Variants in MMP16 observed in about 807,000 individuals in gnomAD.
MMP16 encodes matrix metallopeptidase 16.
Under a neutral mutation model 67.8 loss-of-function variants are expected in MMP16, and 12 were observed. The observed-to-expected ratio is 0.18, with a 90% CI of 0.11 to 0.29. The LOEUF is 0.29. Ranked by LOEUF, MMP16 falls within the 10% of genes least tolerant of loss-of-function variation. The pLI is 1.00. For missense variants in MMP16, 475 were observed against 765.7 expected, an observed-to-expected ratio of 0.62 and a Z score of 4.48; for synonymous variants, 249 against 255.9, an observed-to-expected ratio of 0.97 and a Z score of 0.26.
At chr8:88,243,178 C>T (rs1007650682) in intron 1 of MMP16, among the ~76,000 whole-genome samples, 1 of 152,134 alleles carries the variant, frequency 6.6e-6, no homozygotes, top group Non-Finnish European at 1.5e-5. Flanking sequence ...ATGAAAGTTA[C>T]TGTTGTCAAG....
At chr8:88,064,549 C>A (rs181829684) in intron 7 of MMP16, among the ~76,000 whole-genome samples, 4 of 152,058 alleles carry the variant, frequency 2.6e-5, no homozygotes, top group African/African-American at 9.6e-5. Flanking sequence ...ACTTAATGCT[C>A]GCTTGGAATT....
At chr8:88,115,153 T>C (rs1278941057) in intron 6 of MMP16, among the ~76,000 whole-genome samples, 1 of 152,062 alleles carries the variant, frequency 6.6e-6, no homozygotes. Flanking sequence ...TATTATGGTA[T>C]CAAGGTATAA....
chr8:88,267,038 T>C (rs574613227), intron 1 of MMP16, among the ~76,000 whole-genome samples: 63 of 152,320 alleles, frequency 4.1e-4, no homozygotes, highest in African/African-American at 1.4e-3. Context: ...CTAATTTCTA[T>C]GGCACTTGTG....
chr8:88,293,096 C>G (rs2130022619), intron 1 of MMP16, among the ~76,000 whole-genome samples: 1 of 152,206 alleles, frequency 6.6e-6, no homozygotes, highest in Non-Finnish European at 1.5e-5. Context: ...AAATGACACA[C>G]CACAATTATT....
At chr8:88,225,742 C>T (rs1809759070) in intron 1 of MMP16, among the ~76,000 whole-genome samples, 1 of 151,750 alleles carries the variant, frequency 6.6e-6, no homozygotes, top group Non-Finnish European at 1.5e-5. Context: ...AAATTGCCTT[C>T]TAGAAAAGGT....
intron 3 of MMP16, among the ~76,000 whole-genome samples, chr8:88,179,518 G>A (rs1023754914): frequency 1.3e-5 from 2 of 150,812 alleles, no homozygotes; most frequent in African/African-American, 4.9e-5. Flanking sequence ...CTTTAAAAAA[G>A]AAAGATCATT....
chr8:88,106,880 C>A (rs1017791137), intron 6 of MMP16, among the ~76,000 whole-genome samples: 1 of 151,008 alleles, frequency 6.6e-6, no homozygotes, highest in African/African-American at 2.4e-5. Flanking sequence ...TAAATATTTT[C>A]AGCCATGTAG....
intron 3 of MMP16, among the ~76,000 whole-genome samples, chr8:88,174,347 T>C (rs1305270907): frequency 6.6e-6 from 1 of 152,220 alleles, no homozygotes; most frequent in African/African-American, 2.4e-5. Flanking sequence ...GTCCATTTTA[T>C]TAATATTCAA....
intron 1 of MMP16, 30 bp from the exon 2 acceptor site, chr8:88,197,336 T>C (rs368793137): frequency 2.0e-5 from 30 of 1,514,020 alleles, no homozygotes; most frequent in Admixed American, 2.5e-5. Flanking sequence ...TTCTTTTAGA[T>C]CAATTTTACA....
At chr8:88,171,828 G>A (rs1808808160) in intron 3 of MMP16, among the ~76,000 whole-genome samples, 1 of 149,542 alleles carries the variant, frequency 6.7e-6, no homozygotes, top group African/African-American at 2.5e-5. Context: ...ATGATATGAT[G>A]CATTTTTTTT....
At chr8:88,178,883 A>G (rs999221830) in intron 3 of MMP16, among the ~76,000 whole-genome samples, 14 of 152,050 alleles carry the variant, frequency 9.2e-5, no homozygotes, top group African/African-American at 3.4e-4. Flanking sequence ...AATATATTGT[A>G]TCTAATCTCT....
intron 6 of MMP16, among the ~76,000 whole-genome samples, chr8:88,095,868 A>G (rs1201447991): frequency 6.6e-6 from 1 of 151,970 alleles, no homozygotes; most frequent in African/African-American, 2.4e-5. Context: ...GCTAGGCGCT[A>G]TGCTAGGCAT....
chr8:88,076,354 T>C (rs1808651677), intron 6 of MMP16, among the ~76,000 whole-genome samples: 1 of 152,196 alleles, frequency 6.6e-6, no homozygotes, highest in African/African-American at 2.4e-5. Flanking sequence ...GTTAAAATTA[T>C]ATTGAAACGA....
chr8:88,253,365 G>C (rs989002483), intron 1 of MMP16, among the ~76,000 whole-genome samples: 3 of 152,038 alleles, frequency 2.0e-5, no homozygotes, highest in African/African-American at 7.2e-5. Context: ...AGGAAAAAGA[G>C]TAATCTTACA....
At chr8:88,111,317 C>A (rs896242413) in intron 6 of MMP16, among the ~76,000 whole-genome samples, 10 of 151,578 alleles carry the variant, frequency 6.6e-5, no homozygotes, top group African/African-American at 2.4e-4. Context: ...ATATCTAGAC[C>A]AATGCAGACC....
intron 3 of MMP16, among the ~76,000 whole-genome samples, chr8:88,177,611 A>G (rs952468206): frequency 1.3e-5 from 2 of 152,222 alleles, no homozygotes; most frequent in African/African-American, 4.8e-5. Flanking sequence ...AAAAAAAGCA[A>G]CAATTTTGAA....
At chr8:88,119,144 T>C (rs1459919848) in intron 4 of MMP16, among the ~76,000 whole-genome samples, 1 of 152,058 alleles carries the variant, frequency 6.6e-6, no homozygotes, top group Non-Finnish European at 1.5e-5. Flanking sequence ...CATTGGAAAC[T>C]GATAGTACTC....
At chr8:88,214,244 A>C (rs1809554304) in intron 1 of MMP16, among the ~76,000 whole-genome samples, 1 of 152,168 alleles carries the variant, frequency 6.6e-6, no homozygotes, top group Non-Finnish European at 1.5e-5. Context: ...TGAACCTTTT[A>C]TCACTTTTCA....
chr8:88,097,862 G>A (rs1809056754), intron 6 of MMP16, among the ~76,000 whole-genome samples: 1 of 151,818 alleles, frequency 6.6e-6, no homozygotes, highest in Non-Finnish European at 1.5e-5. Flanking sequence ...CTGAGTTGAA[G>A]AAATTTGAGG....
Sources: allele counts gnomAD v4.1 joint callset (sites outside exome capture counted in the v4.1 genomes callset), GRCh38; gene constraint gnomAD v4.1.1; transcripts MANE v1.5; gene names NCBI Gene and HGNC (gene_info 2026-07-23, HGNC 2026-07-21).